Variants in LDLRAD4 observed in about 807,000 individuals in gnomAD.
The protein encoded by LDLRAD4 is low-density lipoprotein receptor class A domain-containing protein 4.
In LDLRAD4, 5 loss-of-function variants were observed where a neutral mutation model predicts 17.0. The ratio of observed to expected loss-of-function variants is 0.29; its 90% CI spans 0.15 to 0.62. The LOEUF (loss-of-function observed/expected upper bound fraction) is 0.62. LDLRAD4 is among the 20% of genes least tolerant of loss of function. The pLI is 0.84. For missense variants in LDLRAD4, 340 were observed against 424.7 expected (o/e 0.80, Z 1.75); for synonymous variants, 168 against 171.8 (o/e 0.98, Z 0.17).
At chr18:13,470,658 T>C (rs2092743424) in intron 3 of LDLRAD4, 1 of 150,676 alleles carries the variant, frequency 6.6e-6, no homozygotes, top group Admixed American at 6.6e-5. Context: ...GGGAAGTGGA[T>C]CGCTGACCCT....
chr18:13,401,370 G>GA (rs10575892), intron 2 of LDLRAD4, among the ~76,000 whole-genome samples: 1,754 of 142,318 alleles, frequency 0.012, 9 homozygotes, highest in Middle Eastern at 0.047. Flanking sequence ...TCATCGCTTT[G>GA]AAAAAAAAAA....
chr18:13,337,301 G>A (rs1264251150), intron 1 of LDLRAD4, among the ~76,000 whole-genome samples: 1 of 152,164 alleles, frequency 6.6e-6, no homozygotes, highest in African/African-American at 2.4e-5. Context: ...TTTGCTGATG[G>A]TGCTTGGGAT....
intron 1 of LDLRAD4, among the ~76,000 whole-genome samples, chr18:13,219,397 T>G (rs2041324029): frequency 6.6e-6 from 1 of 152,248 alleles, no homozygotes. Flanking sequence ...GCTTCTTTTC[T>G]TTTCCTCTGT....
At chr18:13,565,040 T>C (rs2094583040) in intron 3 of LDLRAD4, 1 of 152,280 alleles carries the variant, frequency 6.6e-6, no homozygotes, top group South Asian at 2.1e-4. Context: ...TCACCCTGTA[T>C]GCCCTTGTCT....
intron 3 of LDLRAD4, among the ~76,000 whole-genome samples, chr18:13,508,579 C>T (rs2093730187): frequency 6.6e-6 from 1 of 152,170 alleles, no homozygotes; most frequent in South Asian, 2.1e-4. Flanking sequence ...AAGAATCATG[C>T]TAAATCTATG....
chr18:13,388,818 G>A (rs557758073), intron 2 of LDLRAD4, among the ~76,000 whole-genome samples: 11 of 152,370 alleles, frequency 7.2e-5, no homozygotes, highest in Admixed American at 4.6e-4. Context: ...TCCCAACCTC[G>A]GCCGCTTCCG....
chr18:13,514,863 A>C (rs1363342582), intron 3 of LDLRAD4: 1 of 152,158 alleles, frequency 6.6e-6, no homozygotes, highest in Non-Finnish European at 1.5e-5. Flanking sequence ...TCTCTGCTCA[A>C]ACCCACCCTA....
chr18:13,452,979 G>A (rs1017878256), intron 3 of LDLRAD4, among the ~76,000 whole-genome samples: 2 of 150,100 alleles, frequency 1.3e-5, no homozygotes, highest in African/African-American at 5.0e-5. Flanking sequence ...CTTTCCAAGT[G>A]CAAATGACCA....
At chr18:13,372,292 G>C (rs1412759485) in intron 1 of LDLRAD4, among the ~76,000 whole-genome samples, 1 of 152,144 alleles carries the variant, frequency 6.6e-6, no homozygotes, top group African/African-American at 2.4e-5. Context: ...GTTGCCTTGG[G>C]GGTACACGTA....
chr18:13,228,858 C>A (rs1250651014), intron 1 of LDLRAD4, among the ~76,000 whole-genome samples: 1 of 152,170 alleles, frequency 6.6e-6, no homozygotes, highest in African/African-American at 2.4e-5. Flanking sequence ...TGTACAGTTA[C>A]AACTAGCTAT....
intron 3 of LDLRAD4, among the ~76,000 whole-genome samples, chr18:13,596,913 T>C (rs1478893187): frequency 7.9e-5 from 12 of 152,220 alleles, no homozygotes; most frequent in Non-Finnish European, 1.6e-4. Context: ...CTTATGCATA[T>C]ATTTGTTTTA....
chr18:13,319,136 A>AT, intron 1 of LDLRAD4, among the ~76,000 whole-genome samples: 1 of 152,342 alleles, frequency 6.6e-6, no homozygotes, highest in South Asian at 2.1e-4. Flanking sequence ...TACCTATTAA[A>AT]TACTTCATAG....
Position 13,622,372 on chromosome 18 carries a change from G to A in LDLRAD4, c.336+1101G>A, listed in dbSNP as rs1245502328. Among the ~76,000 whole-genome samples the A allele has an allele frequency of 6.6e-6, 1 of 152,180 alleles. No individual in the cohort carries two copies. Among genetic ancestry groups the A allele is most frequent in the African/African-American group, 2.4e-5 (1 of 41,450 alleles). ...AAGGAAGGGGTGGGTGCTACCGAGT[G>A]CTATCTTCAGACCATGGTGAGGGCT... On this transcript the variant is annotated intron_variant, in intron 4 of 5. Transcript: ENST00000359446. The surrounding 1 kb of genome is among the most constrained non-coding windows in gnomAD (Gnocchi z 5.3).
At position 13,610,327 on chromosome 18, in the gene LDLRAD4, G is replaced by A. The variant is rs71353278; in HGVS notation, c.182-10790G>A. On this transcript the variant is annotated intron_variant, in intron 3 of 5. Transcript: ENST00000359446. ...TTTTGAGACGGAGTCTCACTCTGTC[G>A]CCCAGGCTGGAGTGAAGTGGCCCTA... Among the ~76,000 whole-genome samples the A allele has an allele frequency of 9.6e-3, 1,090 of 113,414 alleles. 41 individuals are homozygous for A. Among genetic ancestry groups the A allele is most frequent in the African/African-American group, 0.035 (1,030 of 29,792 alleles). 74.4% of individuals were successfully genotyped at this position (113,414 alleles called of 152,430 possible).
chr18:13,584,139 TCTGC>T (rs1026792768), intron 3 of LDLRAD4, among the ~76,000 whole-genome samples: 1 of 152,228 alleles, frequency 6.6e-6, no homozygotes, highest in Non-Finnish European at 1.5e-5. Flanking sequence ...GGCGTCTGCC[TCTGC>T]CTGCCTTGGT....
intron 1 of LDLRAD4, among the ~76,000 whole-genome samples, chr18:13,260,767 C>T (rs889585999): frequency 5.9e-5 from 9 of 152,158 alleles, no homozygotes; most frequent in Admixed American, 3.9e-4. Flanking sequence ...CCTTGAATAC[C>T]CACTGTTCCT....
intron 3 of LDLRAD4, among the ~76,000 whole-genome samples, chr18:13,578,906 T>G (rs1241245901): frequency 1.4e-5 from 2 of 144,266 alleles, no homozygotes; most frequent in African/African-American, 5.1e-5. Context: ...TATAATGCTA[T>G]TTGGCCGGGC....
intron 3 of LDLRAD4, among the ~76,000 whole-genome samples, chr18:13,588,459 A>T (rs915061374): frequency 2.6e-5 from 4 of 152,238 alleles, no homozygotes; most frequent in African/African-American, 9.6e-5. Flanking sequence ...TTTCAGTGAA[A>T]TATTACAAAT....
At chr18:13,438,954 G>GCC (rs2090847188) in intron 3 of LDLRAD4, among the ~76,000 whole-genome samples, 2 of 152,210 alleles carry the variant, frequency 1.3e-5, no homozygotes, top group African/African-American at 4.8e-5. Flanking sequence ...CATGGTTTTT[G>GCC]TGACAAGGAA....
Sources: gnomAD v4.1 joint callset for allele counts (sites outside exome capture counted in the v4.1 genomes callset) on GRCh38, gnomAD v4.1.1 for gene constraint, Gnocchi (gnomAD v3.1) non-coding constraint, MANE v1.5 for transcripts, NCBI Gene and HGNC (gene_info 2026-07-23, HGNC 2026-07-21) for gene names.